ROR2: variants seen among roughly 807,000 people sequenced by gnomAD.
The protein encoded by ROR2 is ROR family WNT receptor 2, also known as tyrosine-protein kinase transmembrane receptor ROR2.
Under a neutral mutation model 74.9 loss-of-function variants are expected in ROR2, and 33 were observed. The observed-to-expected ratio is 0.44, with a 90% CI of 0.33 to 0.59. The LOEUF (loss-of-function observed/expected upper bound fraction) is 0.59, where lower values mean the gene tolerates loss of function less well. Among genes scored for constraint, ROR2 ranks in the 20% least tolerant of loss-of-function variants. ROR2 has a pLI of 0.02. For synonymous variants in ROR2, 586 were observed against 558.7 expected (o/e 1.05, Z -0.69); for missense variants, 1,216 against 1,313.8 (o/e 0.93, Z 1.15).
intron 1 of ROR2, among the ~76,000 whole-genome samples, chr9:91,788,444 C>A (rs186525158): frequency 0.018 from 2,744 of 151,908 alleles, 35 homozygotes; most frequent in South Asian, 0.03. Context: ...TTGAAAGCAG[C>A]AGGAGAAGCG....
In ROR2 at chr9:91,939,950, C is replaced by T. The variant is rs1008798826; in HGVS notation, c.97+9917G>A. Among the ~76,000 whole-genome samples the T allele has an allele frequency of 2.6e-5, 4 of 152,188 alleles. No individual in the cohort carries two copies. In the East Asian group the frequency reaches 7.7e-4, roughly 29 times the overall value. ...GCAGATGCCTCGTGGCCTGAATCTC[C>T]GGGCCCCACCCCACATTCACCTGCA... is the stretch of plus-strand genomic sequence containing the variant. On this transcript the variant is annotated intron_variant, in intron 1 of 8. Coordinates refer to ENST00000375708, the MANE Select transcript of ROR2 (RefSeq NM_004560.4).
At chr9:91,792,305 ATTT>A (rs1166828840) in intron 1 of ROR2, among the ~76,000 whole-genome samples, 3 of 129,796 alleles carry the variant, frequency 2.3e-5, no homozygotes, top group African/African-American at 9.5e-5. Flanking sequence ...AGTTGGTTCT[ATTT>A]TTTTTTTTTT....
chr9:91,768,619 G>A (rs1450197361), intron 2 of ROR2, among the ~76,000 whole-genome samples: 2 of 152,332 alleles, frequency 1.3e-5, no homozygotes, highest in Middle Eastern at 3.4e-3. Context: ...CCCGCTGGGC[G>A]CAGGTTGTCA....
intron 1 of ROR2, among the ~76,000 whole-genome samples, chr9:91,779,368 CTTTTT>C (rs57414414): frequency 1.8e-4 from 24 of 133,704 alleles, no homozygotes; most frequent in South Asian, 1.2e-3. Context: ...TTATACTTTT[CTTTTT>C]TTTTTTTTTT....
intron 2 of ROR2, among the ~76,000 whole-genome samples, 177 bp downstream of exon 2, chr9:91,775,564 A>ATGCCC (rs1826390336): frequency 1.3e-5 from 2 of 152,124 alleles, no homozygotes; most frequent in African/African-American, 4.8e-5. Context: ...CAGGCCCTCA[A>ATGCCC]TGCCCTCCAA....
At chr9:91,928,929 C>T (rs1007224253) in intron 1 of ROR2, among the ~76,000 whole-genome samples, 3 of 152,206 alleles carry the variant, frequency 2.0e-5, no homozygotes, top group Non-Finnish European at 4.4e-5. Context: ...GTCAATTATC[C>T]TGCTTATTTT....
chr9:91,875,583 T>C (rs951924924), intron 1 of ROR2, among the ~76,000 whole-genome samples: 2 of 152,186 alleles, frequency 1.3e-5, no homozygotes, highest in Admixed American at 6.5e-5. Flanking sequence ...GCCATAGCCA[T>C]ACAGAGAACA....
At chr9:91,866,610 C>T (rs935252671) in intron 1 of ROR2, among the ~76,000 whole-genome samples, 2 of 152,048 alleles carry the variant, frequency 1.3e-5, no homozygotes, top group South Asian at 2.1e-4. Flanking sequence ...TGTTTTAAAG[C>T]GTGCTTTCCA....
intron 1 of ROR2, among the ~76,000 whole-genome samples, chr9:91,872,358 G>GCAC (rs1464099055): frequency 6.6e-6 from 1 of 152,154 alleles, no homozygotes; most frequent in Non-Finnish European, 1.5e-5. Flanking sequence ...TGTGAATGAT[G>GCAC]CACCACCACC....
intron 1 of ROR2, among the ~76,000 whole-genome samples, chr9:91,827,908 G>A (rs1828343191): frequency 1.3e-5 from 2 of 152,218 alleles, no homozygotes; most frequent in Admixed American, 6.5e-5. Flanking sequence ...ATTTTGGGCA[G>A]TGCCATGTTG....
At chr9:91,756,304 T>C (rs991526899) in intron 3 of ROR2, among the ~76,000 whole-genome samples, 3 of 152,184 alleles carry the variant, frequency 2.0e-5, no homozygotes, top group Non-Finnish European at 4.4e-5. Context: ...TCACTGAGGA[T>C]ATCTTTGTTT....
intron 1 of ROR2, among the ~76,000 whole-genome samples, chr9:91,807,306 T>C (rs1827600396): frequency 6.6e-6 from 1 of 152,172 alleles, no homozygotes; most frequent in Admixed American, 6.5e-5. Flanking sequence ...AACAGGAAGG[T>C]GAAGAACTCA....
chr9:91,729,016 G>A (rs1837143271), intron 7 of ROR2, among the ~76,000 whole-genome samples: 1 of 150,826 alleles, frequency 6.6e-6, no homozygotes. Context: ...TCTAAGAATT[G>A]ACTGGTCCAA....
chr9:91,763,661 TAATTC>T (rs1209376705), intron 2 of ROR2, among the ~76,000 whole-genome samples: 2 of 152,386 alleles, frequency 1.3e-5, no homozygotes, highest in East Asian at 3.9e-4. Context: ...CTTCTGTAGT[TAATTC>T]ATTTTATATC....
intron 2 of ROR2, among the ~76,000 whole-genome samples, chr9:91,759,755 G>C (rs1825857397): frequency 6.6e-6 from 1 of 152,176 alleles, no homozygotes; most frequent in Non-Finnish European, 1.5e-5. Context: ...GGAAGGTGCT[G>C]AGGCAGTGGC....
intron 1 of ROR2, among the ~76,000 whole-genome samples, chr9:91,839,782 G>T (rs751070828): frequency 6.6e-6 from 1 of 151,774 alleles, no homozygotes; most frequent in African/African-American, 2.4e-5. Flanking sequence ...TCTCTACTGG[G>T]TGATGTGTCC....
chr9:91,946,978 C>T (rs1832028777), intron 1 of ROR2, among the ~76,000 whole-genome samples: 1 of 152,092 alleles, frequency 6.6e-6, no homozygotes, highest in Non-Finnish European at 1.5e-5. Context: ...AGGTTAAATC[C>T]AGGCTAACTG....
At chr9:91,746,090 T>A (rs988965209) in intron 4 of ROR2, among the ~76,000 whole-genome samples, 1 of 152,090 alleles carries the variant, frequency 6.6e-6, no homozygotes. Flanking sequence ...TTATTTATTT[T>A]TTAAAACATG....
At chr9:91,894,328 G>C (rs981396124) in intron 1 of ROR2, among the ~76,000 whole-genome samples, 3 of 152,108 alleles carry the variant, frequency 2.0e-5, no homozygotes, top group Admixed American at 6.6e-5. Flanking sequence ...ATCTCCCCTG[G>C]CATCATAACA....
Sources: gnomAD v4.1 joint callset for allele counts (sites outside exome capture counted in the v4.1 genomes callset) on GRCh38, gnomAD v4.1.1 for gene constraint, MANE v1.5 for transcripts, NCBI Gene and HGNC (gene_info 2026-07-23, HGNC 2026-07-21) for gene names.